The following RBFOX1 variants were observed in gnomAD, a reference collection of about 807,000 sequenced individuals.
RBFOX1 encodes the protein RNA binding protein fox-1 homolog 1.
In RBFOX1, 8 loss-of-function variants were observed where a neutral mutation model predicts 57.7. The observed-to-expected ratio is 0.14, with a 90% CI of 0.08 to 0.25. The LOEUF (loss-of-function observed/expected upper bound fraction) is 0.25, where lower values mean the gene tolerates loss of function less well. RBFOX1 is among the 10% of genes least tolerant of loss of function. The pLI, the probability that RBFOX1 is intolerant of heterozygous loss-of-function variation, is 1.00. For synonymous variants in RBFOX1, 326 were observed against 222.4 expected, an observed-to-expected ratio of 1.47 and a Z score of -4.15; for missense variants, 611 against 548.5, an observed-to-expected ratio of 1.11 and a Z score of -1.14.
intron 4 of RBFOX1, among the ~76,000 whole-genome samples, chr16:7,324,999 A>G (rs1215662010): frequency 6.6e-6 from 1 of 152,198 alleles, no homozygotes; most frequent in East Asian, 1.9e-4. Flanking sequence ...TGTTTGGGAC[A>G]TAGAAGAAGG....
chr16:7,279,941 C>T (rs2095508807), intron 4 of RBFOX1, among the ~76,000 whole-genome samples: 1 of 152,156 alleles, frequency 6.6e-6, no homozygotes, highest in Non-Finnish European at 1.5e-5. Context: ...AACCAGTGGG[C>T]CTGGTAACAA....
intron 1 of RBFOX1, among the ~76,000 whole-genome samples, chr16:5,243,966 C>T (rs28669086): frequency 0.23 from 34,717 of 151,796 alleles, 4,865 homozygotes; most frequent in East Asian, 0.31. Flanking sequence ...GCATGATCTC[C>T]GCTCACTGCA....
chr16:7,041,063 G>A (rs539992158), intron 3 of RBFOX1, among the ~76,000 whole-genome samples: 4 of 148,700 alleles, frequency 2.7e-5, no homozygotes, highest in South Asian at 4.2e-4. Context: ...TTACAGGCAA[G>A]TGCCAACACG....
intron 1 of RBFOX1, among the ~76,000 whole-genome samples, chr16:6,098,271 G>C (rs552204863): frequency 2.6e-5 from 4 of 152,256 alleles, no homozygotes; most frequent in African/African-American, 9.6e-5. Flanking sequence ...GCTGTGACAG[G>C]CCCAAGGTCA....
At chr16:6,895,409 T>C (rs2066520510) in intron 3 of RBFOX1, among the ~76,000 whole-genome samples, 1 of 131,850 alleles carries the variant, frequency 7.6e-6, no homozygotes, top group African/African-American at 2.9e-5. Flanking sequence ...CACTAGTTGT[T>C]AGTAATATAT....
rs554840871 is a variant in RBFOX1 at position 6,522,433 on chromosome 16, A to AT, written c.-63-132161dup. On this transcript the variant is annotated intron_variant, in intron 2 of 15. Coordinates refer to ENST00000550418, the MANE Select transcript of RBFOX1 (RefSeq NM_018723.4). ...TACATAATGCCATCGTATTGGGAAG[A>AT]TTTTTTTTTGAAAGATATTTATGAA... Among the ~76,000 whole-genome samples, 524 of 151,798 alleles carry AT rather than the reference A, an allele frequency of 3.5e-3. 2 individuals are homozygous for AT. The highest frequency in any genetic ancestry group is 0.012 in the African/African-American group (493 of 41,430).
At chr16:6,045,805 A>G (rs1051029487) in intron 1 of RBFOX1, among the ~76,000 whole-genome samples, 6 of 152,240 alleles carry the variant, frequency 3.9e-5, no homozygotes, top group African/African-American at 7.2e-5. Flanking sequence ...GGAGCGGCCA[A>G]TGGAAGTTTC....
chr16:6,891,326 T>C (rs2065358185), intron 3 of RBFOX1, among the ~76,000 whole-genome samples: 1 of 152,128 alleles, frequency 6.6e-6, no homozygotes, highest in Admixed American at 6.5e-5. Context: ...AAATGAAACT[T>C]AGAGTAGTTA....
chr16:6,757,097 C>T (rs531160223), intron 3 of RBFOX1, among the ~76,000 whole-genome samples: 64 of 152,130 alleles, frequency 4.2e-4, no homozygotes, highest in Non-Finnish European at 7.2e-4. Context: ...ACCTCAATGA[C>T]GTATAATTTC....
chr16:5,927,127 A>C (rs2058955577), intron 4 of RBFOX1, among the ~76,000 whole-genome samples: 5 of 152,200 alleles, frequency 3.3e-5, no homozygotes, highest in Admixed American at 3.3e-4. Context: ...ATTTTGACTG[A>C]CATTTATTTT....
At position 6,899,809 on chromosome 16, in the gene RBFOX1, G is replaced by A. The variant is rs184817915; in HGVS notation, c.-15-152248G>A. Among the ~76,000 whole-genome samples the A allele has an allele frequency of 3.7e-3, 569 of 152,290 alleles. 4 individuals are homozygous for A. Among genetic ancestry groups the A allele is most frequent in the Non-Finnish European group, 4.4e-3 (301 of 68,024 alleles). On this transcript the variant is annotated intron_variant, in intron 3 of 15. Transcript: ENST00000550418. ...TTTGAAGTATGGACACCTTTTCATTGCAAGAGGAAAGCAAAAGCAGGCAGG... is the reference window on the plus strand; with the variant it reads ...TTTGAAGTATGGACACCTTTTCATTACAAGAGGAAAGCAAAAGCAGGCAGG...
intron 1 of RBFOX1, among the ~76,000 whole-genome samples, chr16:5,291,516 G>T (rs968303001): frequency 2.0e-5 from 3 of 151,946 alleles, no homozygotes; most frequent in Non-Finnish European, 4.4e-5. Context: ...CACCCGCCTC[G>T]GCCTCCCAAA....
At chr16:7,036,694 A>AAAAC (rs757116687) in intron 3 of RBFOX1, among the ~76,000 whole-genome samples, 8 of 150,602 alleles carry the variant, frequency 5.3e-5, no homozygotes, top group Admixed American at 2.7e-4. Context: ...CTCCGTCTCA[A>AAAAC]AAACAAACAA....
At chr16:5,344,141 G>A (rs1256873184) in intron 1 of RBFOX1, among the ~76,000 whole-genome samples, 1 of 152,208 alleles carries the variant, frequency 6.6e-6, no homozygotes, top group Non-Finnish European at 1.5e-5. Flanking sequence ...TCAGAACTGA[G>A]TCTTTACCTT....
chr16:7,547,563 T>G (rs1455239054), intron 5 of RBFOX1, among the ~76,000 whole-genome samples: 1 of 152,170 alleles, frequency 6.6e-6, no homozygotes, highest in Admixed American at 6.5e-5. Flanking sequence ...AATAATCCTT[T>G]CCATATTTTA....
intron 3 of RBFOX1, among the ~76,000 whole-genome samples, chr16:6,965,341 G>C (rs144968411): frequency 3.0e-5 from 2 of 67,124 alleles, no homozygotes; most frequent in Admixed American, 1.6e-4. Context: ...GTGTGTGTGT[G>C]TGTGTGTGTG....
At chr16:7,072,291 T>A (rs943285699) in intron 4 of RBFOX1, among the ~76,000 whole-genome samples, 1 of 152,208 alleles carries the variant, frequency 6.6e-6, no homozygotes, top group African/African-American at 2.4e-5. Context: ...GCTACTCTTA[T>A]TCTTCATTCA....
At chr16:6,907,644 C>G (rs1214702615) in intron 3 of RBFOX1, among the ~76,000 whole-genome samples, 1 of 152,174 alleles carries the variant, frequency 6.6e-6, no homozygotes, top group Non-Finnish European at 1.5e-5. Flanking sequence ...GATCTTGGCT[C>G]ACTGCAGCCT....
intron 4 of RBFOX1, among the ~76,000 whole-genome samples, chr16:6,000,854 CAGGTA>C (rs2060587130): frequency 1.0e-5 from 1 of 99,276 alleles, no homozygotes. Flanking sequence ...GGTGGGTGGA[CAGGTA>C]GGTGGGTGGA....
Sources: gnomAD v4.1 joint callset for allele counts (sites outside exome capture counted in the v4.1 genomes callset) on GRCh38, gnomAD v4.1.1 for gene constraint, MANE v1.5 for transcripts, NCBI Gene and HGNC (gene_info 2026-07-23, HGNC 2026-07-21) for gene names.